PLEKHA6: variants seen among roughly 807,000 people sequenced by gnomAD.
PLEKHA6 encodes pleckstrin homology domain-containing family A member 6.
PLEKHA6 carries 60 observed loss-of-function variants against 116.7 expected under a neutral mutation model. The ratio of observed to expected loss-of-function variants is 0.51; its 90% CI spans 0.42 to 0.64. The LOEUF (loss-of-function observed/expected upper bound fraction) is 0.64, where lower values mean the gene tolerates loss of function less well. Ranked by LOEUF, PLEKHA6 falls within the 30% of genes least tolerant of loss-of-function variation. PLEKHA6 has a pLI of 0.00. For missense variants in PLEKHA6, 1,338 were observed against 1,422.7 expected (o/e 0.94, Z 0.96); for synonymous variants, 489 against 556.1 (o/e 0.88, Z 1.70).
rs747843952 is a variant in PLEKHA6 at position 204,257,357 on chromosome 1, G to A, written c.1520C>T (p.Pro507Leu). ...AAGGGCAGGCTGGTGGCTCACCTTG[G>A]GGGAGCTGATGGATCGCCTCATCAC... The part of the protein sequence containing the change: ...AYVMRRSISS[P>L]KVPPYPEVFR... Residue 507 changes from proline (P) to leucine (L), a missense_variant, in exon 9 of 23, where the codon CCC becomes CTC. Physicochemically the swap from Pro to Leu is moderately conservative, Grantham distance 98. Transcript: ENST00000272203. The surrounding 1 kb of genome is among the most constrained non-coding windows in gnomAD (Gnocchi z 6.5). 4 of 1,561,092 alleles carry A rather than the reference G, an allele frequency of 2.6e-6. No homozygotes were observed. The South Asian group carries it at 3.5e-5, about 14-fold the overall frequency.
rs74141005 is a variant in PLEKHA6 at position 204,219,245 on chromosome 1, A to G, written c.*3543T>C. On this transcript the variant is annotated 3_prime_UTR_variant, in exon 23 of 23. Transcript: ENST00000272203. ...CGTGTGTGTGTGTGTGTGTGTGTATATATATATATATATATAATGTGTGTG... is the reference window on the plus strand; with the variant it reads ...CGTGTGTGTGTGTGTGTGTGTGTATGTATATATATATATATAATGTGTGTG... The G allele has an allele frequency of 0.095, 13,983 of 146,550 alleles. 913 individuals carry two copies. Among genetic ancestry groups the G allele is most frequent in the African/African-American group, 0.21 (7,946 of 37,630 alleles). 9.1% of individuals were successfully genotyped at this position (146,550 alleles called of 1,614,324 possible). A position where few individuals can be genotyped will look rare whatever the true frequency, so the allele number is the denominator to read the frequency against.
chr1:204,321,161 C>A (rs1038726261), intron 1 of PLEKHA6, among the ~76,000 whole-genome samples: 3 of 152,052 alleles, frequency 2.0e-5, no homozygotes, highest in Non-Finnish European at 2.9e-5. Context: ...CCAGGACTGT[C>A]CACTACATAA....
intron 1 of PLEKHA6, chr1:204,282,508 A>T: frequency 5.3e-6 from 2 of 374,540 alleles, no homozygotes; most frequent in South Asian, 1.1e-4. Context: ...AGACCTCCTC[A>T]CATCTCCATG....
chr1:204,361,785 G>A (rs986906618), upstream of PLEKHA6, among the ~76,000 whole-genome samples: 1 of 152,214 alleles, frequency 6.6e-6, no homozygotes, highest in Non-Finnish European at 1.5e-5. Flanking sequence ...CTTTCAGTCA[G>A]CCAAGATGAG....
Position 204,245,728 on chromosome 1 carries a change from T to C in PLEKHA6, c.1921-2A>G. The C allele has an allele frequency of 6.2e-7, 1 of 1,600,776 alleles. No homozygotes were observed. On this transcript the variant is annotated splice_acceptor_variant, in intron 13 of 22. Transcript: ENST00000272203. LOFTEE classifies it high-confidence loss of function. ...GATTTGCCGGTTCAGCACCTCATTC[T>C]GAAGCAGCCACACAGTGAGTCAAAG...
At position 204,223,948 on chromosome 1, in the gene PLEKHA6, G is replaced by A. The variant is rs560509602; in HGVS notation, c.3032-363C>T. Among the ~76,000 whole-genome samples the A allele has an allele frequency of 4.6e-5, 7 of 152,218 alleles. No individual in the cohort carries two copies. In the South Asian group the frequency reaches 8.3e-4, roughly 18 times the overall value. ...AACCAGGGAGTGGTACTTTATATAC[G>A]GCAGTGTCACTAATGATAATGATTA... On this transcript the variant is annotated intron_variant, in intron 21 of 22. Transcript: ENST00000272203. The surrounding 1 kb of genome is among the most constrained non-coding windows in gnomAD (Gnocchi z 4.8).
chr1:204,361,141 C>G (rs779862326), upstream of PLEKHA6, among the ~76,000 whole-genome samples: 2 of 151,980 alleles, frequency 1.3e-5, no homozygotes, highest in Admixed American at 6.5e-5. Flanking sequence ...AGAAATATGT[C>G]AAGAAGCAGG....
chr1:204,248,955 C>T lies in PLEKHA6; in HGVS notation c.1690G>A (p.Ala564Thr). 8 of 1,614,028 alleles carry T rather than the reference C, an allele frequency of 5.0e-6. No homozygotes were observed. Among genetic ancestry groups the T allele is most frequent in the Non-Finnish European group, 6.8e-6 (8 of 1,179,976 alleles). Reference protein sequence around the residue: ...LRAEKESLESALMGTHQELEM... With the variant: ...LRAEKESLESTLMGTHQELEM... The stretch of plus-strand genomic sequence containing the variant: ...AGCTCCTGGTGGGTCCCCATCAAGG[C>T]ACTTTCCAGGCTCTCCTGAAGAAAG... The change falls in exon 12 of 23, where the codon GCC becomes ACC. Residue 564 changes from alanine (A) to threonine (T), a missense_variant. By Grantham distance (58) the Ala-to-Thr change is moderately conservative. This residue lies in a region of PLEKHA6 where 1,136 missense variants were observed against 1,163.6 expected (regional missense o/e 0.98). Transcript: ENST00000272203.
In PLEKHA6 at chr1:204,257,522, C is replaced by T. The variant is rs758052468; in HGVS notation, c.1355G>A (p.Arg452His). ...SSLRRLSLQP[R>H]SHSVPRSPSQ... ...GGGTGAGCGGGGCACAGAGTGGGAG[C>T]GGGGCTGCAGGGACAGGCGGCGCAG... The change falls in exon 9 of 23, where the codon CGC (arginine) becomes CAC (histidine). Residue 452 changes from arginine to histidine, a missense_variant. Physicochemically the swap from Arg to His is conservative, Grantham distance 29. Coordinates refer to ENST00000272203, the MANE Select transcript of PLEKHA6 (RefSeq NM_014935.5). This position sits in a 1 kb window ranked among gnomAD's most constrained non-coding sequence, Gnocchi z 6.5. The T allele has an allele frequency of 1.9e-5, 31 of 1,591,538 alleles. No individual in the cohort carries two copies. The highest frequency in any genetic ancestry group is 9.1e-5 in the South Asian group (8 of 88,168).
At chr1:204,332,015 C>T (rs903634370) in intron 1 of PLEKHA6, among the ~76,000 whole-genome samples, 2 of 152,192 alleles carry the variant, frequency 1.3e-5, no homozygotes, top group Non-Finnish European at 2.9e-5. Context: ...CCTTTCCTAA[C>T]TCCTGGCAGC....
upstream of PLEKHA6, chr1:204,378,002 A>T (rs1181518586): frequency 6.6e-6 from 1 of 152,250 alleles, no homozygotes; most frequent in African/African-American, 2.4e-5. Flanking sequence ...CGCGGTGAGT[A>T]ATTACGATGC....
intron 1 of PLEKHA6, chr1:204,281,224 A>C (rs189777907): frequency 2.0e-5 from 3 of 152,206 alleles, no homozygotes; most frequent in Admixed American, 6.6e-5. Context: ...AAAAAAAACC[A>C]AAAACAAACA....
chr1:204,234,339 C>T (rs887790224), intron 17 of PLEKHA6, among the ~76,000 whole-genome samples: 6 of 152,152 alleles, frequency 3.9e-5, no homozygotes, highest in African/African-American at 1.2e-4. Context: ...ACCCTGCTGG[C>T]ACCTTGATTT....
At chr1:204,331,763 G>A (rs951501411) in intron 1 of PLEKHA6, among the ~76,000 whole-genome samples, 4 of 152,074 alleles carry the variant, frequency 2.6e-5, no homozygotes, top group Admixed American at 6.6e-5. Flanking sequence ...GATGGAGAGG[G>A]CAGTGTTAGA....
intron 1 of PLEKHA6, chr1:204,301,503 C>T (rs1396748334): frequency 1.0e-6 from 1 of 984,586 alleles, no homozygotes; most frequent in Non-Finnish European, 1.2e-6. Flanking sequence ...CACCCAAGTC[C>T]CCACCTCATT....
chr1:204,250,561 G>A lies in PLEKHA6; in HGVS notation c.1578C>T (p.Asn526=), dbSNP rs146426396. ...CTGCTCTTACATCTGTGTCTTGCTC[G>A]TTTAACTTGTAGGTGTGGAGGCTGT... The part of the protein sequence containing the change: ...FRDSLHTYKL[N]EQDTDKLLGK... The change falls in exon 10 of 23, where the codon AAC becomes AAT. Residue 526 remains asparagine, a synonymous_variant. Coordinates refer to ENST00000272203, the MANE Select transcript of PLEKHA6 (RefSeq NM_014935.5). The A allele has an allele frequency of 8.7e-5, 140 of 1,612,456 alleles. No individual in the cohort carries two copies. In the African/African-American group the frequency reaches 1.1e-3, roughly 13 times the overall value.
chr1:204,306,198 G>A (rs1251547897), intron 1 of PLEKHA6, among the ~76,000 whole-genome samples: 1 of 151,944 alleles, frequency 6.6e-6, no homozygotes, highest in Non-Finnish European at 1.5e-5. Context: ...CTGTCCCATT[G>A]AGTCTGGGCC....
intron 1 of PLEKHA6, among the ~76,000 whole-genome samples, chr1:204,348,885 G>T (rs568977995): frequency 9.2e-5 from 14 of 152,226 alleles, no homozygotes; most frequent in Admixed American, 6.5e-4. Flanking sequence ...CCTCCCAGAA[G>T]CCTGAGGCCT....
At chr1:204,230,274 G>A in intron 18 of PLEKHA6, 139 bp downstream of exon 18, 1 of 601,048 alleles carries the variant, frequency 1.7e-6, no homozygotes, top group Non-Finnish European at 2.8e-6. Flanking sequence ...GGACTCTCCG[G>A]CTCTCCCAGG....
Sources: allele counts gnomAD v4.1 joint callset (sites outside exome capture counted in the v4.1 genomes callset), GRCh38; gene constraint gnomAD v4.1.1; regional missense constraint gnomAD v4.1.1; non-coding constraint Gnocchi (gnomAD v3.1); transcripts MANE v1.5; gene names NCBI Gene and HGNC (gene_info 2026-07-23, HGNC 2026-07-21).